CATSPERE: variants seen among roughly 807,000 people sequenced by gnomAD.
The protein encoded by CATSPERE is cation channel sperm-associated auxiliary subunit epsilon.
CATSPERE carries 93 observed loss-of-function variants against 114.1 expected under a neutral mutation model. The ratio of observed to expected loss-of-function variants is 0.81; its 90% confidence interval spans 0.69 to 0.97. The LOEUF is 0.97. Ranked by LOEUF, CATSPERE falls within the 50% of genes least tolerant of loss-of-function variation. CATSPERE has a pLI of 0.00. For synonymous variants in CATSPERE, 341 were observed against 384.1 expected (o/e 0.89, Z 1.31); for missense variants, 1,058 against 1,131.6 (o/e 0.93, Z 0.93).
At chr1:244,518,263 G>C (rs914841029) in intron 7 of CATSPERE, among the ~76,000 whole-genome samples, 2 of 152,084 alleles carry the variant, frequency 1.3e-5, no homozygotes, top group African/African-American at 4.8e-5. Context: ...AAACAGATTA[G>C]TTTCAGAAAC....
At chr1:244,469,623 G>A (rs1209911516) in intron 2 of CATSPERE, among the ~76,000 whole-genome samples, 1 of 152,100 alleles carries the variant, frequency 6.6e-6, no homozygotes, top group Non-Finnish European at 1.5e-5. Flanking sequence ...CCTTTATATA[G>A]GAAGCCCAAG....
chr1:244,536,267 T>C (rs1409900398), intron 8 of CATSPERE, among the ~76,000 whole-genome samples: 1 of 151,962 alleles, frequency 6.6e-6, no homozygotes, highest in African/African-American at 2.4e-5. Flanking sequence ...CCCAGGGTAG[T>C]GTCTCACTAG....
chr1:244,566,395 C>T (rs1020467204), intron 10 of CATSPERE, among the ~76,000 whole-genome samples: 6 of 152,028 alleles, frequency 3.9e-5, no homozygotes, highest in Non-Finnish European at 8.8e-5. Flanking sequence ...TTTTCTCTCT[C>T]GTCGATCTGT....
chr1:244,521,435 A>C (rs1475994949), intron 8 of CATSPERE, among the ~76,000 whole-genome samples: 1 of 152,200 alleles, frequency 6.6e-6, no homozygotes, highest in Admixed American at 6.5e-5. Context: ...CAGAAGTGCA[A>C]GTTCAGTATC....
chr1:244,460,352 A>G (rs1175589056), upstream of CATSPERE, among the ~76,000 whole-genome samples: 2 of 152,068 alleles, frequency 1.3e-5, no homozygotes, highest in African/African-American at 4.8e-5. Flanking sequence ...CCTGCACTTG[A>G]TGGATCAGCT....
intron 17 of CATSPERE, among the ~76,000 whole-genome samples, chr1:244,603,836 C>T (rs1669616398): frequency 6.6e-6 from 1 of 152,000 alleles, no homozygotes; most frequent in Non-Finnish European, 1.5e-5. Context: ...TGAGACTCCC[C>T]ATCTCTACAA....
At chr1:244,457,291 A>G (rs1388388153), upstream of CATSPERE, among the ~76,000 whole-genome samples, 7 of 152,200 alleles carry the variant, frequency 4.6e-5, no homozygotes, top group Non-Finnish European at 1.0e-4. Flanking sequence ...TTGATGGAAA[A>G]TTGTAAAGGG....
chr1:244,451,952 C>T, upstream of CATSPERE: 1 of 917,418 alleles, frequency 1.1e-6, no homozygotes, highest in Non-Finnish European at 1.5e-6. The surrounding 1 kb of genome is among the most constrained non-coding windows in gnomAD (Gnocchi z 6.6). Flanking sequence ...CCCCGCCGGG[C>T]CGCCACCCTC....
At chr1:244,525,395 TGA>T (rs1175593763) in intron 8 of CATSPERE, among the ~76,000 whole-genome samples, 1 of 151,600 alleles carries the variant, frequency 6.6e-6, no homozygotes, top group East Asian at 2.0e-4. Flanking sequence ...TGCTAGATGA[TGA>T]GTTAGTGGGT....
At chr1:244,520,551 T>G (rs1203215381) in intron 8 of CATSPERE, among the ~76,000 whole-genome samples, 1 of 152,116 alleles carries the variant, frequency 6.6e-6, no homozygotes, top group Admixed American at 6.5e-5. Context: ...CAACCCACAA[T>G]CAGGAGATGC....
intron 9 of CATSPERE, among the ~76,000 whole-genome samples, chr1:244,559,920 T>C (rs747779629): frequency 1.3e-5 from 2 of 152,260 alleles, no homozygotes; most frequent in African/African-American, 2.4e-5. Context: ...ATTTAATATA[T>C]TTCTATGCCT....
intron 8 of CATSPERE, among the ~76,000 whole-genome samples, chr1:244,548,527 T>G (rs767870417): frequency 6.6e-6 from 1 of 152,148 alleles, no homozygotes; most frequent in Non-Finnish European, 1.5e-5. Context: ...GATATGAATT[T>G]GTCTTCCCTA....
At chr1:244,566,986 G>A (rs999981455) in intron 10 of CATSPERE, among the ~76,000 whole-genome samples, 2 of 152,042 alleles carry the variant, frequency 1.3e-5, no homozygotes, top group Admixed American at 6.6e-5. Flanking sequence ...GCTGGTACTG[G>A]TTTTTCCTTT....
intron 9 of CATSPERE, among the ~76,000 whole-genome samples, chr1:244,554,502 C>G (rs190599460): frequency 7.9e-5 from 12 of 152,050 alleles, no homozygotes; most frequent in African/African-American, 2.7e-4. Flanking sequence ...CCAGCCAGGG[C>G]AACATGGTGA....
intron 10 of CATSPERE, among the ~76,000 whole-genome samples, chr1:244,570,083 C>G (rs1357864045): frequency 1.3e-5 from 2 of 152,186 alleles, no homozygotes; most frequent in Non-Finnish European, 2.9e-5. Flanking sequence ...TATTTATCTT[C>G]CCAACCAGGA....
chr1:244,486,549 A>G (rs113020101), intron 5 of CATSPERE, among the ~76,000 whole-genome samples: 1,468 of 95,894 alleles, frequency 0.015, 1 homozygote, highest in East Asian at 0.025. Flanking sequence ...CAGCATGTGG[A>G]GTACTCGTGG....
intron 7 of CATSPERE, among the ~76,000 whole-genome samples, chr1:244,510,652 G>A (rs1273355749): frequency 6.6e-6 from 1 of 151,998 alleles, no homozygotes. Context: ...TTTGAATCCA[G>A]TGTTTCTTTG....
chr1:244,477,291 C>T (rs927897423), intron 2 of CATSPERE, among the ~76,000 whole-genome samples: 4 of 152,122 alleles, frequency 2.6e-5, no homozygotes, highest in South Asian at 2.1e-4. Context: ...CCACTGCACC[C>T]GGCCAATGGA....
intron 1 of CATSPERE, among the ~76,000 whole-genome samples, chr1:244,455,083 C>T (rs992844572): frequency 6.6e-6 from 1 of 152,128 alleles, no homozygotes; most frequent in African/African-American, 2.4e-5. Context: ...TTGAAACTGG[C>T]TTCTGTAGGC....
Sources: gnomAD v4.1 joint callset for allele counts (sites outside exome capture counted in the v4.1 genomes callset) on GRCh38, gnomAD v4.1.1 for gene constraint, Gnocchi (gnomAD v3.1) non-coding constraint, MANE v1.5 for transcripts, NCBI Gene and HGNC (gene_info 2026-07-23, HGNC 2026-07-21) for gene names.